The following PTPRG variants were observed in gnomAD, a reference collection of about 807,000 sequenced individuals.
PTPRG encodes the protein protein tyrosine phosphatase receptor type G, also known as receptor-type tyrosine-protein phosphatase gamma.
PTPRG carries 102 observed loss-of-function variants against 165.3 expected under a neutral mutation model. The observed-to-expected ratio is 0.62, with a 90% CI of 0.53 to 0.73. The LOEUF (loss-of-function observed/expected upper bound fraction) is 0.73. PTPRG is among the 30% of genes least tolerant of loss of function. The pLI is 0.00. For missense variants in PTPRG, 1,866 were observed against 1,861.4 expected (o/e 1.00, Z -0.05); for synonymous variants, 675 against 669.5 (o/e 1.01, Z -0.13).
At chr3:61,894,942 C>T (rs189624061) in intron 2 of PTPRG, among the ~76,000 whole-genome samples, 1 of 152,200 alleles carries the variant, frequency 6.6e-6, no homozygotes, top group East Asian at 1.9e-4. Context: ...ATATTTGGGG[C>T]CCCATAAGTC....
At chr3:62,042,129 A>G (rs935851441) in intron 4 of PTPRG, among the ~76,000 whole-genome samples, 1 of 152,168 alleles carries the variant, frequency 6.6e-6, no homozygotes, top group South Asian at 2.1e-4. Flanking sequence ...CACTGCTGGC[A>G]CGCCAGTTGC....
intron 1 of PTPRG, among the ~76,000 whole-genome samples, chr3:61,685,137 C>T (rs978256165): frequency 1.1e-4 from 17 of 152,142 alleles, no homozygotes; most frequent in South Asian, 2.1e-4. Context: ...GAGGATTAAA[C>T]GAGATAGTAC....
At chr3:61,795,343 A>G (rs2035011052) in intron 2 of PTPRG, among the ~76,000 whole-genome samples, 1 of 152,042 alleles carries the variant, frequency 6.6e-6, no homozygotes, top group African/African-American at 2.4e-5. Context: ...TTTAATCTGT[A>G]AAAAGTAGGC....
chr3:62,123,973 A>G (rs1246720083), intron 5 of PTPRG, among the ~76,000 whole-genome samples: 1 of 152,194 alleles, frequency 6.6e-6, no homozygotes, highest in African/African-American at 2.4e-5. Context: ...AACTGCAGAA[A>G]GGGCATTTAA....
chr3:61,834,156 C>T (rs1409173179), intron 2 of PTPRG, among the ~76,000 whole-genome samples: 3 of 152,146 alleles, frequency 2.0e-5, no homozygotes, highest in Admixed American at 2.0e-4. Context: ...AGCATCTTTT[C>T]TTCTTTCTTT....
chr3:62,085,842 T>G (rs1701735255), intron 5 of PTPRG, among the ~76,000 whole-genome samples: 1 of 152,210 alleles, frequency 6.6e-6, no homozygotes, highest in Admixed American at 6.5e-5. Flanking sequence ...CCATGCTCCA[T>G]GGAAATCATG....
intron 1 of PTPRG, among the ~76,000 whole-genome samples, chr3:61,672,099 T>C (rs1400996723): frequency 1.5e-5 from 2 of 135,518 alleles, no homozygotes; most frequent in Non-Finnish European, 3.2e-5. Flanking sequence ...AGGGCAGAGG[T>C]GCTCCCCACA....
chr3:61,974,984 G>A (rs2107667706), intron 2 of PTPRG, among the ~76,000 whole-genome samples: 1 of 152,290 alleles, frequency 6.6e-6, no homozygotes, highest in Non-Finnish European at 1.5e-5. Flanking sequence ...TTTAACGAGA[G>A]TCTCTGGAGC....
At chr3:61,619,260 C>G (rs1291453959) in intron 1 of PTPRG, among the ~76,000 whole-genome samples, 1 of 152,110 alleles carries the variant, frequency 6.6e-6, no homozygotes, top group Non-Finnish European at 1.5e-5. Flanking sequence ...GCTTGACAGT[C>G]TGGGCTTTTA....
At chr3:62,102,502 A>C (rs541868057) in intron 5 of PTPRG, among the ~76,000 whole-genome samples, 2 of 152,192 alleles carry the variant, frequency 1.3e-5, no homozygotes, top group South Asian at 4.1e-4. Context: ...CGAACTCCTG[A>C]CCTCATGATC....
intron 8 of PTPRG, among the ~76,000 whole-genome samples, chr3:62,188,997 G>A (rs1033514611): frequency 1.3e-5 from 2 of 152,000 alleles, no homozygotes; most frequent in Admixed American, 6.6e-5. Flanking sequence ...CTTAGAAGCC[G>A]GAGTATTTAA....
intron 6 of PTPRG, among the ~76,000 whole-genome samples, chr3:62,143,239 G>A (rs1468169762): frequency 3.3e-5 from 5 of 152,296 alleles, no homozygotes; most frequent in Admixed American, 1.3e-4. Context: ...CTCGAAATAA[G>A]CCATCTGAGG....
chr3:61,803,909 C>T (rs1224330645), intron 2 of PTPRG, among the ~76,000 whole-genome samples: 1 of 152,118 alleles, frequency 6.6e-6, no homozygotes. Flanking sequence ...AAAAATTTAC[C>T]ATGGCAAGAT....
intron 1 of PTPRG, among the ~76,000 whole-genome samples, chr3:61,577,309 C>T (rs1700191866): frequency 6.6e-6 from 1 of 152,130 alleles, no homozygotes; most frequent in African/African-American, 2.4e-5. Flanking sequence ...TATTTGTTTC[C>T]TGTATATGAG....
At chr3:62,218,570 T>G (rs928716920) in intron 12 of PTPRG, among the ~76,000 whole-genome samples, 1 of 152,186 alleles carries the variant, frequency 6.6e-6, no homozygotes, top group African/African-American at 2.4e-5. Context: ...GGCTGGAATG[T>G]CTATGTCTTC....
chr3:61,703,424 A>AT (rs61209820), intron 1 of PTPRG, among the ~76,000 whole-genome samples: 2 of 152,226 alleles, frequency 1.3e-5, no homozygotes, highest in South Asian at 4.2e-4. Context: ...CTAGGCTGAC[A>AT]TTTTTTCTCT....
chr3:61,858,074 A>T (rs2037162874), intron 2 of PTPRG, among the ~76,000 whole-genome samples: 1 of 152,240 alleles, frequency 6.6e-6, no homozygotes, highest in African/African-American at 2.4e-5. Context: ...GGGTTGTAAT[A>T]AGTTTTTTAA....
At chr3:62,124,186 A>C in intron 5 of PTPRG, 2 of 792,520 alleles carry the variant, frequency 2.5e-6, no homozygotes, top group Non-Finnish European at 4.3e-6. Flanking sequence ...GCAAAGAAAA[A>C]AAAGAAGTCA....
chr3:62,292,319 C>G (rs994970135), intron 28 of PTPRG, 102 bp from the exon 29 acceptor site: 2 of 1,279,124 alleles, frequency 1.6e-6, no homozygotes, highest in African/African-American at 3.0e-5. Flanking sequence ...AATGTCAAAA[C>G]AGTCTACTTA....
Sources: allele counts gnomAD v4.1 joint callset (sites outside exome capture counted in the v4.1 genomes callset), GRCh38; gene constraint gnomAD v4.1.1; transcripts MANE v1.5; gene names NCBI Gene and HGNC (gene_info 2026-07-23, HGNC 2026-07-21).